Variants in CIZ1 observed in about 807,000 individuals in gnomAD.
CIZ1 encodes cip1-interacting zinc finger protein.
CIZ1 carries 58 observed loss-of-function variants against 118.6 expected under a neutral mutation model. That is an observed-to-expected ratio of 0.49 (90% CI 0.40 to 0.61). The LOEUF (loss-of-function observed/expected upper bound fraction) is 0.61. Among genes scored for constraint, CIZ1 ranks in the 20% least tolerant of loss-of-function variants. The pLI, the probability that CIZ1 is intolerant of heterozygous loss-of-function variation, is 0.00. For missense variants in CIZ1, 921 were observed against 1,115.9 expected, an observed-to-expected ratio of 0.83 and a Z score of 2.49; for synonymous variants, 448 against 443.4, an observed-to-expected ratio of 1.01 and a Z score of -0.13.
intron 11 of CIZ1, among the ~76,000 whole-genome samples, chr9:128,174,286 C>A (rs576836905): frequency 1.3e-5 from 2 of 152,188 alleles, no homozygotes; most frequent in Admixed American, 1.3e-4. Flanking sequence ...GAAACGTGCA[C>A]GTGACCACAA....
rs964901672 is a variant in CIZ1 at position 128,166,645 on chromosome 9, G to T, written c.2487+114C>A. The T allele has an allele frequency of 8.1e-6, 11 of 1,353,040 alleles. No individual in the cohort carries two copies. In the East Asian group the frequency reaches 2.5e-4, roughly 31 times the overall value. 83.8% of individuals were successfully genotyped at this position (1,353,040 alleles called of 1,614,324 possible). A position where few individuals can be genotyped will look rare whatever the true frequency, so the allele number is the denominator to read the frequency against. On this transcript the variant is annotated intron_variant, in intron 16 of 16. Transcript: ENST00000372938. The surrounding 1 kb of genome is among the most constrained non-coding windows in gnomAD (Gnocchi z 4.4). ...TTCTCTCCCTGTTGGTGCAGGGGTGGTGCCTGGGGATTGAGGCCCTGCACA... is the reference window on the plus strand; with the variant it reads ...TTCTCTCCCTGTTGGTGCAGGGGTGTTGCCTGGGGATTGAGGCCCTGCACA...
intron 1 of CIZ1, among the ~76,000 whole-genome samples, chr9:128,199,410 T>C (rs1464353960): frequency 6.6e-6 from 1 of 151,880 alleles, no homozygotes; most frequent in Non-Finnish European, 1.5e-5. Context: ...GTCAAAACTT[T>C]GGGAGCTCAG....
intron 14 of CIZ1, chr9:128,168,761 C>A: frequency 2.5e-6 from 1 of 396,626 alleles, no homozygotes; most frequent in Non-Finnish European, 4.8e-6. Flanking sequence ...CTGACTTTTC[C>A]TTTGCACACT....
rs931829040 is a variant in CIZ1 at position 128,191,339 on chromosome 9, C to A, written c.-6+93G>T. ...ACCACCGCCACCTCCTCGCGCCCCA[C>A]TCCGCCCGCTCCCACCCCGCCAGCC... On this transcript the variant is annotated intron_variant, in intron 1 of 16. Transcript: ENST00000372938. This position sits in a 1 kb window ranked among gnomAD's most constrained non-coding sequence, Gnocchi z 5.5. 5 of 412,388 alleles carry A rather than the reference C, an allele frequency of 1.2e-5. No homozygotes were observed. Among genetic ancestry groups the A allele is most frequent in the Non-Finnish European group, 1.7e-5 (5 of 302,444 alleles). 25.5% of individuals were successfully genotyped at this position (412,388 alleles called of 1,614,324 possible).
chr9:128,166,788 T>C lies in CIZ1; in HGVS notation c.2458A>G (p.Lys820Glu). 6.2e-7 allele frequency: 1 copy of C among 1,614,194 alleles called. No individual in the cohort carries two copies. The highest frequency in any genetic ancestry group is 8.5e-7 in the Non-Finnish European group (1 of 1,180,012). ...SNSGAQLSHC[K>E]SLGHFENLQK... is the part of the protein sequence containing the mutation. ...AGGTTCTCAAAGTGGCCCAGGGACTTGCAGTGGGAGAGCTGTGCCCCTGAG... is the reference window on the plus strand; with the variant it reads ...AGGTTCTCAAAGTGGCCCAGGGACTCGCAGTGGGAGAGCTGTGCCCCTGAG... Residue 820 changes from lysine to glutamate, a missense_variant, in exon 16 of 17, where the codon AAG becomes GAG. Transcript: ENST00000372938. The surrounding 1 kb of genome is among the most constrained non-coding windows in gnomAD (Gnocchi z 4.4).
chr9:128,200,127 G>A (rs1405723470), intron 1 of CIZ1: 1 of 151,948 alleles, frequency 6.6e-6, no homozygotes, highest in African/African-American at 2.4e-5. Flanking sequence ...TGTGATGCCA[G>A]GCTGCTGGCC....
Position 128,166,561 on chromosome 9 carries a change from A to C in CIZ1, c.2488-155T>G, listed in dbSNP as rs1428682997. 1.1e-6 allele frequency: 1 copy of C among 917,724 alleles called. No individual in the cohort carries two copies. The highest frequency in any genetic ancestry group is 1.7e-5 in the African/African-American group (1 of 59,938). The allele number at this position is 917,724 out of a possible 1,614,324, so 56.8% of individuals were successfully genotyped here. ...CCTCTCTGGGCCGTCTCTGGAGCTA[A>C]CAGCCTGGCACTCAGCATCCCCTTG... On this transcript the variant is annotated intron_variant, in intron 16 of 16. Transcript: ENST00000372938. This position sits in a 1 kb window ranked among gnomAD's most constrained non-coding sequence, Gnocchi z 4.4.
At position 128,203,312 on chromosome 9, in the gene CIZ1, C is replaced by A; in HGVS notation, c.-6+874G>T. The A allele has an allele frequency of 1.9e-6, 1 of 518,614 alleles. No homozygotes were observed. Among genetic ancestry groups the A allele is most frequent in the Non-Finnish European group, 2.7e-6 (1 of 373,918 alleles). 32.1% of individuals were successfully genotyped at this position (518,614 alleles called of 1,614,324 possible). A position where few individuals can be genotyped will look rare whatever the true frequency, so the allele number is the denominator to read the frequency against. The stretch of plus-strand genomic sequence containing the variant: ...GGCCGGCCCGCAGCGCCGCGGGCTC[C>A]CCCTAGCGGCGTCCGGGAGCGGTGC... On this transcript the variant is annotated intron_variant, in intron 1 of 17. Transcript: ENST00000372948. The surrounding 1 kb of genome is among the most constrained non-coding windows in gnomAD (Gnocchi z 5.3).
At chr9:128,186,041 C>T (rs1335611744) in intron 4 of CIZ1, among the ~76,000 whole-genome samples, 1 of 152,090 alleles carries the variant, frequency 6.6e-6, no homozygotes. Flanking sequence ...ACTCTGCTCA[C>T]CCTCAGGCAT....
intron 12 of CIZ1, 37 bp downstream of exon 12, chr9:128,169,983 C>T: frequency 1.9e-6 from 3 of 1,559,878 alleles, no homozygotes; most frequent in Admixed American, 1.9e-5. Flanking sequence ...TTGCAGACGG[C>T]AGTGCGGGTG....
chr9:128,184,489 A>ATTTTTTT (rs35204850), intron 5 of CIZ1, among the ~76,000 whole-genome samples: 2 of 112,090 alleles, frequency 1.8e-5, no homozygotes, highest in South Asian at 2.8e-4. Flanking sequence ...GGCAGTGCTG[A>ATTTTTTT]TTTTTTTTTT....
chr9:128,177,191 A>C (rs45499703), intron 10 of CIZ1, among the ~76,000 whole-genome samples: 5,628 of 152,194 alleles, frequency 0.037, 340 homozygotes, highest in African/African-American at 0.13. Context: ...CCCGACCCTA[A>C]ACTTTCCTTT....
intron 5 of CIZ1, among the ~76,000 whole-genome samples, chr9:128,181,837 G>C (rs1041054183): frequency 6.6e-6 from 1 of 151,898 alleles, no homozygotes; most frequent in African/African-American, 2.4e-5. Context: ...TCTTGTGGAG[G>C]GCCTGACATC....
chr9:128,192,907 C>T (rs1833256745), upstream of CIZ1, among the ~76,000 whole-genome samples: 3 of 152,360 alleles, frequency 2.0e-5, no homozygotes, highest in South Asian at 4.1e-4. Flanking sequence ...GCCTGGGCGA[C>T]TCCTCGCCCT....
intron 2 of CIZ1, 117 bp downstream of exon 2, chr9:128,190,571 G>T (rs1833005810): frequency 1.4e-6 from 2 of 1,392,202 alleles, no homozygotes; most frequent in Non-Finnish European, 2.0e-6. Flanking sequence ...GGCTGGAATT[G>T]GTGATCTCCA....
chr9:128,179,066 G>A lies in CIZ1; in HGVS notation c.1141C>T (p.Pro381Ser). 2 of 1,613,284 alleles carry A rather than the reference G, an allele frequency of 1.2e-6. No homozygotes were observed. The highest frequency in any genetic ancestry group is 1.3e-5 in the African/African-American group (1 of 75,010). Residue 381 changes from proline (P) to serine (S), a missense_variant, in exon 8 of 17, where the codon CCA (proline) becomes TCA (serine). Coordinates refer to ENST00000372938, the MANE Select transcript of CIZ1 (RefSeq NM_001131016.2). ...CTTGGGCCCTGTGAATGTGCCTGTG[G>A]CTGTACCTGTGGCTGCACCTGCTTC... ...PQKQVQPQVQPQAHSQGPRQV... is the reference protein window; with the variant it reads ...PQKQVQPQVQSQAHSQGPRQV...
intron 11 of CIZ1, among the ~76,000 whole-genome samples, chr9:128,173,163 G>A (rs915842679): frequency 2.0e-4 from 3 of 14,916 alleles, no homozygotes; most frequent in African/African-American, 5.9e-4. Flanking sequence ...TTTTTTTTTT[G>A]AGACGGAGTC....
At chr9:128,202,968 G>A (rs545445599) in intron 1 of CIZ1, 11 of 152,258 alleles carry the variant, frequency 7.2e-5, no homozygotes, top group African/African-American at 2.6e-4. Flanking sequence ...GGACATGTTG[G>A]AGATCAGAGT....
At position 128,180,749 on chromosome 9, in the gene CIZ1, G is replaced by A. The variant is rs111885720; in HGVS notation, c.654C>T (p.Ala218=). 152 of 1,609,390 alleles carry A rather than the reference G, an allele frequency of 9.4e-5. No homozygotes were observed. The African/African-American group carries it at 1.0e-3, about 11-fold the overall frequency. The part of the protein sequence containing the change: ...KSDPPEGSEE[A]AEPRMDTPED... ...CTGGTGTGTCCATCCGGGGCTCTGC[G>A]GCTTCCTCAGACCCCTCTGGGGGGT... Residue 218 remains alanine, a synonymous_variant, in exon 6 of 17, where the codon GCC becomes GCT. Transcript: ENST00000372938.
Sources: allele counts gnomAD v4.1 joint callset (sites outside exome capture counted in the v4.1 genomes callset), GRCh38; gene constraint gnomAD v4.1.1; non-coding constraint Gnocchi (gnomAD v3.1); transcripts MANE v1.5; gene names NCBI Gene and HGNC (gene_info 2026-07-23, HGNC 2026-07-21).